Variants in MYO1C observed in about 807,000 individuals in gnomAD.
The protein encoded by MYO1C is myosin IC, also known as unconventional myosin-Ic.
MYO1C carries 104 observed loss-of-function variants against 150.8 expected under a neutral mutation model. That is an observed-to-expected ratio of 0.69 (90% CI 0.59 to 0.81). The LOEUF is 0.81. Among genes scored for constraint, MYO1C ranks in the 30% least tolerant of loss-of-function variants. MYO1C has a pLI of 0.00. For synonymous variants in MYO1C, 663 were observed against 579.9 expected, an observed-to-expected ratio of 1.14 and a Z score of -2.06; for missense variants, 1,504 against 1,435.0, an observed-to-expected ratio of 1.05 and a Z score of -0.78.
intron 25 of MYO1C, 149 bp downstream of exon 25, chr17:1,469,382 G>C (rs2074249937): frequency 1.3e-6 from 1 of 752,518 alleles, no homozygotes; most frequent in Non-Finnish European, 2.3e-6. Context: ...AGTAGACCAG[G>C]GTAAATACGG....
chr17:1,470,693 C>G lies in MYO1C; in HGVS notation c.2213-4G>C. The G allele has an allele frequency of 6.2e-7, 1 of 1,602,256 alleles. No individual in the cohort carries two copies. The highest frequency in any genetic ancestry group is 8.5e-7 in the Non-Finnish European group (1 of 1,179,004). On this transcript the variant is annotated splice_polypyrimidine_tract_variant and splice_region_variant and intron_variant, in intron 21 of 31. Transcript: ENST00000648651. Reference sequence around the variant, plus strand: ...CAGGCAGCTTGGATCTTTGTGGCTGCGGTTGGGAAAGAAAGGCAATTGGCC... The same window carrying G: ...CAGGCAGCTTGGATCTTTGTGGCTGGGGTTGGGAAAGAAAGGCAATTGGCC...
In MYO1C at chr17:1,484,252, G is replaced by A. The variant is rs61753638; in HGVS notation, c.127C>T (p.Arg43Cys). 2.3e-5 allele frequency: 37 copies of A among 1,612,346 alleles called. No homozygotes were observed. The Admixed American group carries it at 2.3e-4, about 10-fold the overall frequency. ...AAATCCTGCACCCCCACCCGGTCAC[G>A]GGCGGTGAGCGCACTCTCCATGGTC... ...RVTMESALTA[R>C]DRVGVQDFVL... Residue 43 changes from arginine (R) to cysteine (C), a missense_variant, in exon 2 of 32, where the codon CGT becomes TGT. Physicochemically the swap from Arg to Cys is radical, Grantham distance 180. Coordinates refer to ENST00000648651, the MANE Select transcript of MYO1C (RefSeq NM_001080779.2).
chr17:1,479,562 C>T lies in MYO1C; in HGVS notation c.1020+30G>A. The T allele has an allele frequency of 6.5e-7, 1 of 1,535,010 alleles. No individual in the cohort carries two copies. The highest frequency in any genetic ancestry group is 8.9e-7 in the Non-Finnish European group (1 of 1,119,210). ...ACCCCCAGCCCCCGCCCCCGCCGTC[C>T]TCCCGTCGCCCTCTGCCCGCCCCAC... On this transcript the variant is annotated intron_variant, in intron 8 of 31. Transcript: ENST00000648651. This position sits in a 1 kb window ranked among gnomAD's most constrained non-coding sequence, Gnocchi z 4.2.
chr17:1,470,823 G>A (rs1156969388), intron 21 of MYO1C, 134 bp from the exon 22 acceptor site: 12 of 978,236 alleles, frequency 1.2e-5, no homozygotes, highest in Non-Finnish European at 1.8e-5. Flanking sequence ...GAGTGGTGAA[G>A]AAGAATGAAT....
In MYO1C at chr17:1,471,352, C is replaced by A. The variant is rs2150938568; in HGVS notation, c.2022-16G>T. 2 of 1,609,788 alleles carry A rather than the reference C, an allele frequency of 1.2e-6. No homozygotes were observed. The highest frequency in any genetic ancestry group is 2.2e-5 in the East Asian group (1 of 44,830). On this transcript the variant is annotated splice_polypyrimidine_tract_variant and intron_variant, in intron 19 of 31. Coordinates refer to ENST00000648651, the MANE Select transcript of MYO1C (RefSeq NM_001080779.2). ...TGACTTGTACCTGGGGACAGGAATG[C>A]ACGCGGCTCCCACCCCAGTCAGCAG...
chr17:1,472,195 G>A lies in MYO1C; in HGVS notation c.1831C>T (p.Leu611=), dbSNP rs367908178. Residue 611 remains leucine (L), a synonymous_variant, in exon 18 of 32, where the codon CTG becomes TTG. Coordinates refer to ENST00000648651, the MANE Select transcript of MYO1C (RefSeq NM_001080779.2). ...TCCTTAGACTGCAGGATCTCCACCAGCTGCAGGAGGCTCATCTTGAACTGG... is the reference window on the plus strand; with the variant it reads ...TCCTTAGACTGCAGGATCTCCACCAACTGCAGGAGGCTCATCTTGAACTGG... ...ATQFKMSLLQ[L]VEILQSKEPA... 1.9e-5 allele frequency: 30 copies of A among 1,614,144 alleles called. No individual in the cohort carries two copies. Among genetic ancestry groups the A allele is most frequent in the African/African-American group, 1.2e-4 (9 of 75,058 alleles).
At position 1,478,227 on chromosome 17, in the gene MYO1C, T is replaced by A; in HGVS notation, c.1296-35A>T. 2 of 1,601,282 alleles carry A rather than the reference T, an allele frequency of 1.2e-6. No individual in the cohort carries two copies. The highest frequency in any genetic ancestry group is 1.7e-6 in the Non-Finnish European group (2 of 1,169,806). ...AGGAGAAGAGCCCACAGTGGCTCAG[T>A]GGGGACACAGGACCAGGAGAGGGGA... is the stretch of plus-strand genomic sequence containing the variant. On this transcript the variant is annotated intron_variant, in intron 11 of 31. Coordinates refer to ENST00000648651, the MANE Select transcript of MYO1C (RefSeq NM_001080779.2). This position sits in a 1 kb window ranked among gnomAD's most constrained non-coding sequence, Gnocchi z 6.3.
At chr17:1,475,470 G>A (rs569551340) in intron 14 of MYO1C, among the ~76,000 whole-genome samples, 4 of 152,272 alleles carry the variant, frequency 2.6e-5, no homozygotes, top group Admixed American at 6.5e-5. Context: ...TGATCAGAGC[G>A]GACCATGGAG....
Position 1,467,549 on chromosome 17 carries a change from A to C in MYO1C, c.2996T>G (p.Val999Gly). ...KGDVVLQSDH[V>G]IETLTKTALS... ...GGCTGTCTTGGTCAGCGTCTCAATC[A>C]CGTGGTCACTCTGCAGCACCACATC... Residue 999 changes from valine to glycine, a missense_variant, in exon 30 of 32, where the codon GTG becomes GGG. Coordinates refer to ENST00000648651, the MANE Select transcript of MYO1C (RefSeq NM_001080779.2). The C allele has an allele frequency of 6.2e-7, 1 of 1,613,418 alleles. No homozygotes were observed. The highest frequency in any genetic ancestry group is 8.5e-7 in the Non-Finnish European group (1 of 1,179,912).
Position 1,470,949 on chromosome 17 carries a change from C to G in MYO1C, c.2212+122G>C, listed in dbSNP as rs996502649. The G allele has an allele frequency of 3.5e-6, 4 of 1,146,744 alleles. No homozygotes were observed. The African/African-American group carries it at 6.1e-5, about 18-fold the overall frequency. The allele number at this position is 1,146,744 out of a possible 1,614,324, so 71.0% of individuals were successfully genotyped here. On this transcript the variant is annotated intron_variant, in intron 21 of 31. Coordinates refer to ENST00000648651, the MANE Select transcript of MYO1C (RefSeq NM_001080779.2). ...CTCTCTGGAGAAGGACTCCCTGGAG[C>G]TGGGCGTGGGGCTGGAGCTGATAGG...
intron 5 of MYO1C, chr17:1,481,227 C>T (rs528228760): frequency 3.7e-4 from 118 of 320,250 alleles, no homozygotes; most frequent in Non-Finnish European, 5.9e-4. Context: ...ACATCCTTCT[C>T]GTTGTTCAAG....
chr17:1,485,114 G>A (rs1027649876), intron 1 of MYO1C: 3 of 1,222,400 alleles, frequency 2.5e-6, no homozygotes, highest in Non-Finnish European at 3.1e-6. Flanking sequence ...AGGGGATGGG[G>A]GCTTTACCAT....
In MYO1C at chr17:1,470,795, A is replaced by C. The variant is rs1270168113; in HGVS notation, c.2213-106T>G. On this transcript the variant is annotated intron_variant, in intron 21 of 31. Coordinates refer to ENST00000648651, the MANE Select transcript of MYO1C (RefSeq NM_001080779.2). ...GCATGAATGGGAGAGTGGCTGAAGGAACCAACGAGCAGGAGGAGAGTGGTG... is the reference window on the plus strand; with the variant it reads ...GCATGAATGGGAGAGTGGCTGAAGGCACCAACGAGCAGGAGGAGAGTGGTG... 8.1e-6 allele frequency: 10 copies of C among 1,230,718 alleles called. 1 individual carries two copies. The South Asian group carries it at 1.1e-4, about 14-fold the overall frequency. 76.2% of individuals were successfully genotyped at this position (1,230,718 alleles called of 1,614,324 possible).
intron 17 of MYO1C, chr17:1,472,439 C>T (rs970398686): frequency 1.2e-5 from 7 of 580,242 alleles, no homozygotes; most frequent in African/African-American, 7.5e-5. Context: ...CCTCAGTCTA[C>T]GAGCCTCACT....
chr17:1,480,487 T>C (rs775964741), intron 7 of MYO1C, 40 bp downstream of exon 7: 3 of 1,492,424 alleles, frequency 2.0e-6, no homozygotes, highest in Middle Eastern at 1.8e-4. Flanking sequence ...ATTTTGGGGG[T>C]GTGACAGGAG....
chr17:1,479,399 C>G lies in MYO1C; in HGVS notation c.1092+32G>C. The G allele has an allele frequency of 9.7e-7, 1 of 1,026,406 alleles. No individual in the cohort carries two copies. The allele number at this position is 1,026,406 out of a possible 1,614,324, so 63.6% of individuals were successfully genotyped here. The stretch of plus-strand genomic sequence containing the variant: ...AGGGGCTGCCTTGGAACAGCTGCCC[C>G]TCCACACCCGAGGGCAAGGGCCCGG... On this transcript the variant is annotated intron_variant, in intron 9 of 31. Coordinates refer to ENST00000648651, the MANE Select transcript of MYO1C (RefSeq NM_001080779.2). The surrounding 1 kb of genome is among the most constrained non-coding windows in gnomAD (Gnocchi z 4.2).
At position 1,470,333 on chromosome 17, in the gene MYO1C, G is replaced by T; in HGVS notation, c.2368C>A (p.Leu790Ile). Residue 790 changes from leucine (L) to isoleucine (I), a missense_variant and splice_region_variant, in exon 24 of 32, where the codon CTC becomes ATC. By Grantham distance (5) the Leu-to-Ile change is conservative. Transcript: ENST00000648651. ...TGGCGCAGGACGAAGCCTCGGATGA[G>T]CCTGGGGTGGGGGGCCAGACAGGGT... ...RKWAAQTIRRLIRGFVLRHAP... is the reference protein window; with the variant it reads ...RKWAAQTIRRIIRGFVLRHAP... 1 of 1,527,154 alleles carries T rather than the reference G, an allele frequency of 6.5e-7. No individual in the cohort carries two copies. Among genetic ancestry groups the T allele is most frequent in the Non-Finnish European group, 8.9e-7 (1 of 1,127,350 alleles). The allele number at this position is 1,527,154 out of a possible 1,614,324, so 94.6% of individuals were successfully genotyped here.
At chr17:1,483,929 C>T (rs867708546) in intron 2 of MYO1C, among the ~76,000 whole-genome samples, 2 of 151,986 alleles carry the variant, frequency 1.3e-5, no homozygotes, top group Non-Finnish European at 2.9e-5. Flanking sequence ...GTAATCCCAG[C>T]TACTCGGGAG....
In MYO1C at chr17:1,464,570, C is replaced by T. The variant is rs958294601; in HGVS notation, c.*1156G>A. 1 of 152,692 alleles carries T rather than the reference C, an allele frequency of 6.5e-6. No individual in the cohort carries two copies. The highest frequency in any genetic ancestry group is 2.4e-5 in the African/African-American group (1 of 41,460). 9.5% of individuals were successfully genotyped at this position (152,692 alleles called of 1,614,324 possible). A position where few individuals can be genotyped will look rare whatever the true frequency, so the allele number is the denominator to read the frequency against. ...AAGACATGATGTGGGTTTTATGGGG[C>T]TCCCTGGCTCTGGGAGTGGCAGTGA... On this transcript the variant is annotated 3_prime_UTR_variant, in exon 32 of 32. Coordinates refer to ENST00000648651, the MANE Select transcript of MYO1C (RefSeq NM_001080779.2).
Sources: allele counts gnomAD v4.1 joint callset (sites outside exome capture counted in the v4.1 genomes callset), GRCh38; gene constraint gnomAD v4.1.1; non-coding constraint Gnocchi (gnomAD v3.1); transcripts MANE v1.5; gene names NCBI Gene and HGNC (gene_info 2026-07-23, HGNC 2026-07-21).